The following NOL9 variants were observed in gnomAD, a reference collection of about 807,000 sequenced individuals.
The protein encoded by NOL9 is nucleolar protein 9.
A neutral mutation model predicts 67.9 loss-of-function variants in NOL9; 28 were observed. The observed-to-expected ratio is 0.41, with a 90% CI of 0.31 to 0.57. The LOEUF (loss-of-function observed/expected upper bound fraction) is 0.57. Ranked by LOEUF, NOL9 falls within the 20% of genes least tolerant of loss-of-function variation. The pLI is 0.25. For synonymous variants in NOL9, 356 were observed against 352.2 expected (o/e 1.01, Z -0.12); for missense variants, 777 against 897.0 (o/e 0.87, Z 1.71).
At chr1:6,548,101 C>G (rs999643686) in intron 3 of NOL9, 1 of 221,938 alleles carries the variant, frequency 4.5e-6, no homozygotes, top group Non-Finnish European at 9.5e-6. Flanking sequence ...GTGGCCCAGG[C>G]AGGCTTCGAG....
chr1:6,536,147 C>G (rs1018699094), intron 6 of NOL9, among the ~76,000 whole-genome samples: 1 of 150,960 alleles, frequency 6.6e-6, no homozygotes, highest in Non-Finnish European at 1.5e-5. Context: ...GAGATCGAGA[C>G]CATCCTGGCT....
In NOL9 at chr1:6,550,478, T is replaced by G. The variant is rs374096566; in HGVS notation, c.534A>C (p.Ala178=). The part of the protein sequence containing the change: ...VYTHSCLSIH[A]LHYSQPEKSK... ...TTTTCTCAGGCTGTGAGTAGTGAAG[T>G]GCATGGATACTCAAGCAAGAGTGGG... is the stretch of plus-strand genomic sequence containing the variant. The change falls in exon 2 of 12, where the codon GCA becomes GCC. Residue 178 remains alanine, a synonymous_variant. Coordinates refer to ENST00000377705, the MANE Select transcript of NOL9 (RefSeq NM_024654.5). 1.6e-4 allele frequency: 256 copies of G among 1,613,948 alleles called. No homozygotes were observed. The highest frequency in any genetic ancestry group is 2.1e-4 in the Non-Finnish European group (247 of 1,180,030).
intron 6 of NOL9, among the ~76,000 whole-genome samples, chr1:6,538,333 C>T (rs1326815259): frequency 1.3e-5 from 2 of 152,078 alleles, no homozygotes; most frequent in Non-Finnish European, 2.9e-5. Flanking sequence ...ACTATTAATA[C>T]GAAGAACTAC....
At chr1:6,552,267 G>A (rs10864624) in intron 1 of NOL9, among the ~76,000 whole-genome samples, 148,315 of 152,104 alleles carry the variant, frequency 0.98, 72,420 homozygotes, top group Non-Finnish European at 1. Context: ...CACACCCTGC[G>A]TATGTACCCT....
In NOL9 at chr1:6,532,010, C is replaced by T; in HGVS notation, c.1605G>A (p.Met535Ile). The part of the protein sequence containing the change: ...LSYLSQLQPP[M>I]PKPLSPLHSL... ...TATGTAAAGGAGAAAGTGGTTTGGG[C>T]ATCGGGGGCTGCAGCTGGCTAAGGT... is the stretch of plus-strand genomic sequence containing the variant. Residue 535 changes from methionine to isoleucine, a missense_variant, in exon 9 of 12, where the codon ATG becomes ATA. Met to Ile is a conservative substitution (Grantham distance 10). This residue lies in a region of NOL9 where 413 missense variants were observed against 552.6 expected (regional missense o/e 0.75). Coordinates refer to ENST00000377705, the MANE Select transcript of NOL9 (RefSeq NM_024654.5). The T allele has an allele frequency of 3.7e-6, 6 of 1,614,152 alleles. No individual in the cohort carries two copies. The highest frequency in any genetic ancestry group is 5.1e-6 in the Non-Finnish European group (6 of 1,180,022).
chr1:6,544,045 G>C (rs531583398), intron 5 of NOL9, among the ~76,000 whole-genome samples: 127 of 152,286 alleles, frequency 8.3e-4, no homozygotes, highest in African/African-American at 2.9e-3. Flanking sequence ...AGAATCACTT[G>C]AACCTGGGAG....
chr1:6,534,583 TGGGGTA>T (rs1639106475), intron 6 of NOL9, among the ~76,000 whole-genome samples: 2 of 152,240 alleles, frequency 1.3e-5, no homozygotes, highest in South Asian at 4.1e-4. Context: ...GGCAGGGATG[TGGGGTA>T]GCCAGCAGCA....
At chr1:6,526,965 G>T in intron 10 of NOL9, 136 bp from the exon 11 acceptor site, 1 of 1,195,626 alleles carries the variant, frequency 8.4e-7, no homozygotes, top group Non-Finnish European at 1.1e-6. Context: ...CAAAGAGCTG[G>T]CCAGGTGCAG....
chr1:6,527,649 A>C (rs563655340), intron 10 of NOL9, among the ~76,000 whole-genome samples: 95 of 151,276 alleles, frequency 6.3e-4, no homozygotes, highest in African/African-American at 2.2e-3. Flanking sequence ...CAAAAAAAAA[A>C]CAGCCTGGGC....
intron 9 of NOL9, among the ~76,000 whole-genome samples, chr1:6,529,602 A>G (rs1352853886): frequency 6.6e-6 from 1 of 151,386 alleles, no homozygotes; most frequent in East Asian, 1.9e-4. Context: ...AAAAATTAAT[A>G]AATAAAAAAT....
Position 6,525,687 on chromosome 1 carries a change from A to G in NOL9, c.*167T>C. 1.4e-6 allele frequency: 1 copy of G among 719,898 alleles called. No individual in the cohort carries two copies. The highest frequency in any genetic ancestry group is 2.3e-6 in the Non-Finnish European group (1 of 428,118). The allele number at this position is 719,898 out of a possible 1,614,324, so 44.6% of individuals were successfully genotyped here. A position where few individuals can be genotyped will look rare whatever the true frequency, so the allele number is the denominator to read the frequency against. ...ACAAATTCTAGCTCATGCAGCTTTA[A>G]AAGAGAAACTTAAGACTACTATATG... On this transcript the variant is annotated 3_prime_UTR_variant, in exon 12 of 12. Transcript: ENST00000377705.
chr1:6,547,999 T>C, intron 3 of NOL9: 1 of 300,734 alleles, frequency 3.3e-6, no homozygotes, highest in Non-Finnish European at 6.7e-6. Flanking sequence ...CAATACAGGC[T>C]CTAACAAAAC....
At chr1:6,541,573 A>G (rs1326960226) in intron 6 of NOL9, among the ~76,000 whole-genome samples, 2 of 152,240 alleles carry the variant, frequency 1.3e-5, no homozygotes, top group African/African-American at 2.4e-5. Flanking sequence ...TCTAATTTAC[A>G]TAAAACAAAA....
chr1:6,539,160 T>G (rs1367441290), intron 6 of NOL9, among the ~76,000 whole-genome samples: 1 of 152,146 alleles, frequency 6.6e-6, no homozygotes, highest in Non-Finnish European at 1.5e-5. Context: ...AAAATAAGCA[T>G]TGGTGAGGAT....
At chr1:6,552,906 G>A (rs1639573747) in intron 1 of NOL9, among the ~76,000 whole-genome samples, 1 of 151,840 alleles carries the variant, frequency 6.6e-6, no homozygotes, top group Admixed American at 6.6e-5. Flanking sequence ...CCAGCTCCCG[G>A]GTTCAAGCAA....
chr1:6,547,955 A>G, intron 3 of NOL9: 1 of 254,292 alleles, frequency 3.9e-6, no homozygotes, highest in Non-Finnish European at 8.1e-6. Context: ...ACATCATCAT[A>G]GGCTTCCTAC....
Position 6,526,681 on chromosome 1 carries a change from C to T in NOL9, c.1959+15G>A, listed in dbSNP as rs199890709. On this transcript the variant is annotated intron_variant, in intron 11 of 11. Transcript: ENST00000377705. ...AGTAGGCTCCTTCCAGGGCTGTGCCCGGGGGAAGGCTCACCTGGCACTTAA... is the reference window on the plus strand; with the variant it reads ...AGTAGGCTCCTTCCAGGGCTGTGCCTGGGGGAAGGCTCACCTGGCACTTAA... The T allele has an allele frequency of 4.6e-5, 73 of 1,603,544 alleles. No homozygotes were observed. The highest frequency in any genetic ancestry group is 1.7e-4 in the Middle Eastern group (1 of 5,970).
At position 6,554,104 on chromosome 1, in the gene NOL9, T is replaced by C. The variant is rs761128014; in HGVS notation, c.396+3A>G. 8 of 1,522,306 alleles carry C rather than the reference T, an allele frequency of 5.3e-6. No homozygotes were observed. In the South Asian group the frequency reaches 6.1e-5, roughly 12 times the overall value. 94.3% of individuals were successfully genotyped at this position (1,522,306 alleles called of 1,614,324 possible). A position where few individuals can be genotyped will look rare whatever the true frequency, so the allele number is the denominator to read the frequency against. ...GGGACTACTACCGGCGCCCCCCACC[T>C]ACCTGCTCGACCGGCAGCAGCAGCA... On this transcript the variant is annotated splice_donor_region_variant and intron_variant, in intron 1 of 11. Transcript: ENST00000377705.
chr1:6,540,591 A>T (rs1639263401), intron 6 of NOL9, among the ~76,000 whole-genome samples: 1 of 152,106 alleles, frequency 6.6e-6, no homozygotes, highest in Admixed American at 6.6e-5. Flanking sequence ...CTTGGGAGTC[A>T]GAGGTGAGTA....
Sources: gnomAD v4.1 joint callset for allele counts (sites outside exome capture counted in the v4.1 genomes callset) on GRCh38, gnomAD v4.1.1 for gene constraint, gnomAD v4.1.1 regional missense constraint, MANE v1.5 for transcripts, NCBI Gene and HGNC (gene_info 2026-07-23, HGNC 2026-07-21) for gene names.